GRID2: variants seen among roughly 807,000 people sequenced by gnomAD.
GRID2 encodes the protein glutamate ionotropic receptor delta type subunit 2.
GRID2 carries 33 observed loss-of-function variants against 114.8 expected under a neutral mutation model. That is an observed-to-expected ratio of 0.29 (90% CI 0.22 to 0.38). The LOEUF (loss-of-function observed/expected upper bound fraction) is 0.38, where lower values mean the gene tolerates loss of function less well. Among genes scored for constraint, GRID2 ranks in the 10% least tolerant of loss-of-function variants. The pLI is 1.00. For missense variants in GRID2, 1,184 were observed against 1,257.7 expected, an observed-to-expected ratio of 0.94 and a Z score of 0.89; for synonymous variants, 505 against 449.9, an observed-to-expected ratio of 1.12 and a Z score of -1.55.
At chr4:93,070,419 A>T (rs1728708475) in intron 2 of GRID2, among the ~76,000 whole-genome samples, 1 of 152,074 alleles carries the variant, frequency 6.6e-6, no homozygotes, top group Non-Finnish European at 1.5e-5. Context: ...CAAACTGCAG[A>T]TGGTAAAAGA....
chr4:92,991,075 G>C (rs1055992329), intron 2 of GRID2, among the ~76,000 whole-genome samples: 4 of 152,112 alleles, frequency 2.6e-5, no homozygotes, highest in Non-Finnish European at 5.9e-5. Context: ...CAATGACTCT[G>C]TGAATAGGGT....
At chr4:93,583,269 A>C (rs1253154610) in intron 13 of GRID2, among the ~76,000 whole-genome samples, 1 of 152,172 alleles carries the variant, frequency 6.6e-6, no homozygotes, top group Non-Finnish European at 1.5e-5. Context: ...GGCACTATTT[A>C]ACTCGCTACA....
At chr4:93,554,689 T>A (rs11947669) in intron 13 of GRID2, among the ~76,000 whole-genome samples, 48,064 of 151,878 alleles carry the variant, frequency 0.32, 8,387 homozygotes, top group African/African-American at 0.45. Context: ...CTAACCTCAA[T>A]CTCCTGAGCC....
intron 4 of GRID2, among the ~76,000 whole-genome samples, chr4:93,116,695 T>C (rs1224499964): frequency 6.6e-6 from 1 of 152,068 alleles, no homozygotes; most frequent in East Asian, 1.9e-4. Flanking sequence ...TCTTAACAAT[T>C]TCTTAGTTTC....
At chr4:92,535,634 T>C (rs1297575273) in intron 1 of GRID2, among the ~76,000 whole-genome samples, 1 of 152,176 alleles carries the variant, frequency 6.6e-6, no homozygotes, top group Non-Finnish European at 1.5e-5. Context: ...AGAACACTCG[T>C]CTGCAAGTGT....
chr4:93,027,086 T>A (rs1475683572), intron 2 of GRID2, among the ~76,000 whole-genome samples: 1 of 152,102 alleles, frequency 6.6e-6, no homozygotes, highest in Non-Finnish European at 1.5e-5. Flanking sequence ...CATTTTTTTG[T>A]TTGTTTTACA....
At chr4:92,966,954 C>T (rs1200641856) in intron 2 of GRID2, among the ~76,000 whole-genome samples, 2 of 151,900 alleles carry the variant, frequency 1.3e-5, no homozygotes, top group African/African-American at 4.8e-5. Flanking sequence ...GCACCGTTGT[C>T]ATGATCATTT....
intron 1 of GRID2, among the ~76,000 whole-genome samples, chr4:93,798,724 T>G (rs1734858622): frequency 6.6e-6 from 1 of 152,216 alleles, no homozygotes; most frequent in South Asian, 2.1e-4. Context: ...TTAAAGCAGT[T>G]CTATGCTTTA....
In GRID2 at chr4:92,939,542, G is replaced by A. The variant is rs551841212; in HGVS notation, c.245-145453G>A. 3.1e-4 allele frequency among the ~76,000 whole-genome samples: 45 copies of A among 147,150 alleles called. 2 individuals are homozygous for A. Among genetic ancestry groups the A allele is most frequent in the African/African-American group, 1.1e-3 (45 of 41,292 alleles). On this transcript the variant is annotated intron_variant, in intron 2 of 15. Transcript: ENST00000282020. ...CCTGTTCACTCTGATAGTAGTTTCT[G>A]TTGCTGTGCAGAAGCTCTTTAGTTT...
intron 1 of GRID2, among the ~76,000 whole-genome samples, chr4:92,313,954 G>GTA (rs1038859370): frequency 2.0e-5 from 3 of 152,040 alleles, no homozygotes; most frequent in Non-Finnish European, 4.4e-5. Flanking sequence ...CTGGGCATTG[G>GTA]TATATATATG....
At chr4:92,755,934 C>A (rs1353185353) in intron 2 of GRID2, among the ~76,000 whole-genome samples, 1 of 152,138 alleles carries the variant, frequency 6.6e-6, no homozygotes, top group Non-Finnish European at 1.5e-5. Context: ...TGGTCATCAC[C>A]ATGAGCATTT....
chr4:92,694,479 G>A (rs1041557497), intron 2 of GRID2, among the ~76,000 whole-genome samples: 3 of 152,098 alleles, frequency 2.0e-5, no homozygotes, highest in Non-Finnish European at 4.4e-5. Context: ...GGACCCTGGT[G>A]GGCTGCCTCT....
chr4:93,728,187 C>A (rs1226756249), intron 14 of GRID2, among the ~76,000 whole-genome samples: 2 of 152,072 alleles, frequency 1.3e-5, no homozygotes, highest in Non-Finnish European at 2.9e-5. Context: ...TATGTGGTGT[C>A]TTTGTTCTCG....
At chr4:92,598,029 A>AT (rs1169792906) in intron 2 of GRID2, among the ~76,000 whole-genome samples, 2 of 152,070 alleles carry the variant, frequency 1.3e-5, no homozygotes, top group Admixed American at 6.6e-5. Flanking sequence ...TTTAACACCT[A>AT]TTTTTTGTTG....
intron 8 of GRID2, among the ~76,000 whole-genome samples, chr4:93,341,261 C>T (rs1759619470): frequency 6.6e-6 from 1 of 151,944 alleles, no homozygotes; most frequent in African/African-American, 2.4e-5. Flanking sequence ...TTCCATTTTG[C>T]TTATTTCTAA....
chr4:93,588,958 A>G (rs1416910814), intron 13 of GRID2, among the ~76,000 whole-genome samples: 2 of 152,054 alleles, frequency 1.3e-5, no homozygotes, highest in Non-Finnish European at 2.9e-5. Context: ...TTCATCATAT[A>G]CATTATACCC....
At chr4:93,197,960 T>C (rs1365866044) in intron 4 of GRID2, among the ~76,000 whole-genome samples, 1 of 152,240 alleles carries the variant, frequency 6.6e-6, no homozygotes, top group Non-Finnish European at 1.5e-5. Flanking sequence ...TTTTCTGATT[T>C]AATTTTTTAA....
intron 8 of GRID2, among the ~76,000 whole-genome samples, chr4:93,323,794 AT>A (rs1405847659): frequency 6.6e-6 from 1 of 152,076 alleles, no homozygotes; most frequent in Non-Finnish European, 1.5e-5. Flanking sequence ...TAGGTATTTT[AT>A]TCTCTTTGAA....
chr4:93,681,510 T>G (rs761415713), intron 14 of GRID2, among the ~76,000 whole-genome samples: 1 of 149,234 alleles, frequency 6.7e-6, no homozygotes, highest in African/African-American at 2.5e-5. Flanking sequence ...GGAGGCATCA[T>G]GCTACCTGAC....
Sources: allele counts gnomAD v4.1 joint callset (sites outside exome capture counted in the v4.1 genomes callset), GRCh38; gene constraint gnomAD v4.1.1; transcripts MANE v1.5; gene names NCBI Gene and HGNC (gene_info 2026-07-23, HGNC 2026-07-21).